YIPF2: variants seen among roughly 807,000 people sequenced by gnomAD.
YIPF2 encodes the protein Yip1 domain family member 2.
YIPF2 carries 30 observed loss-of-function variants against 38.8 expected under a neutral mutation model. The ratio of observed to expected loss-of-function variants is 0.77; its 90% CI spans 0.58 to 1.05. YIPF2 has a LOEUF of 1.05. Among genes scored for constraint, YIPF2 ranks in the 50% least tolerant of loss-of-function variants. The pLI is 0.00. For synonymous variants in YIPF2, 194 were observed against 183.8 expected (o/e 1.06, Z -0.45); for missense variants, 401 against 409.7 (o/e 0.98, Z 0.18).
rs1373267108 is a variant in YIPF2, at chr19:10,928,457, G to C, written c.-30-17C>G. The C allele has an allele frequency of 3.7e-6, 5 of 1,363,198 alleles. No individual in the cohort carries two copies. Among genetic ancestry groups the C allele is most frequent in the Non-Finnish European group, 4.7e-6 (5 of 1,056,410 alleles). 84.4% of individuals were successfully genotyped at this position (1,363,198 alleles called of 1,614,324 possible). ...CATCCCTCGCTGAGGACAGAGACCG[G>C]TCAGGCACACTTCCCCCCCGCCCCC... On this transcript the variant is annotated splice_polypyrimidine_tract_variant and intron_variant, in intron 1 of 9. Coordinates refer to ENST00000586748, the MANE Select transcript of YIPF2 (RefSeq NM_001321439.2).
Position 10,923,413 on chromosome 19 carries a change from C to T in YIPF2, c.835-6G>A. ...AGCGACTGGAAGAAGTACAACTGCA[C>T]AAGACCCCTGGGGTCAGAGGCAGGG... On this transcript the variant is annotated splice_region_variant and splice_polypyrimidine_tract_variant and intron_variant, in intron 8 of 9. Coordinates refer to ENST00000586748, the MANE Select transcript of YIPF2 (RefSeq NM_001321439.2). 6.2e-7 allele frequency: 1 copy of T among 1,613,482 alleles called. No individual in the cohort carries two copies. The highest frequency in any genetic ancestry group is 8.5e-7 in the Non-Finnish European group (1 of 1,179,700).
rs147207917 is a variant in YIPF2 at position 10,923,948 on chromosome 19, G to A, written c.536C>T (p.Ala179Val). Residue 179 changes from alanine (A) to valine (V), a missense_variant, in exon 7 of 10, where the codon GCC becomes GTC. Transcript: ENST00000586748. ...GCGCCACCGCAGGAAGCCCCACAGGGCCAGGGGCACCAGCCACGCATAGCA... is the reference window on the plus strand; with the variant it reads ...GCGCCACCGCAGGAAGCCCCACAGGACCAGGGGCACCAGCCACGCATAGCA... The part of the protein sequence containing the change: ...IYCYAWLVPL[A>V]LWGFLRWRKG... The A allele has an allele frequency of 5.1e-5, 82 of 1,613,264 alleles. No individual in the cohort carries two copies. In the African/African-American group the frequency reaches 1.0e-3, roughly 20 times the overall value.
At position 10,928,058 on chromosome 19, in the gene YIPF2, G is replaced by A. The variant is rs540050034; in HGVS notation, c.32-99C>T. 4.0e-6 allele frequency: 6 copies of A among 1,495,750 alleles called. No homozygotes were observed. In the African/African-American group the frequency reaches 6.9e-5, roughly 17 times the overall value. The allele number at this position is 1,495,750 out of a possible 1,614,324, so 92.7% of individuals were successfully genotyped here. On this transcript the variant is annotated intron_variant, in intron 2 of 9. Coordinates refer to ENST00000586748, the MANE Select transcript of YIPF2 (RefSeq NM_001321439.2). ...ATGCTCATCTGGGGGCGGAGGCTCT[G>A]CTGAGCCATTGATCTCCCCCAAGGT...
At position 10,927,932 on chromosome 19, in the gene YIPF2, G is replaced by C. The variant is rs1203360801; in HGVS notation, c.59C>G (p.Ala20Gly). The change falls in exon 3 of 10, where the codon GCT (alanine) becomes GGT (glycine). Residue 20 changes from alanine to glycine, a missense_variant. Ala to Gly is a moderately conservative substitution (Grantham distance 60). Transcript: ENST00000586748. ...GGTGGTGGCTGCATCTGGGGTGTCA[G>C]CCAGAAGATTAGTGGCCTCCTCGAA... Reference protein sequence around the residue: ...HEFEEATNLLADTPDAATTSR... With the variant: ...HEFEEATNLLGDTPDAATTSR... 2 of 1,609,630 alleles carry C rather than the reference G, an allele frequency of 1.2e-6. No individual in the cohort carries two copies. Among genetic ancestry groups the C allele is most frequent in the Admixed American group, 3.3e-5 (2 of 59,958 alleles).
chr19:10,923,650 G>T lies in YIPF2; in HGVS notation c.679C>A (p.Leu227Met), dbSNP rs138098369. 11 of 1,612,062 alleles carry T rather than the reference G, an allele frequency of 6.8e-6. No homozygotes were observed. In the African/African-American group the frequency reaches 1.5e-4, roughly 21 times the overall value. ...GCCAGCGCCCCAAAGAGCCACTGCA[G>T]CCAAGGCACAGGGATGAGCCACAGG... ...VVLWLIPVPW[L>M]QWLFGALALG... The change falls in exon 8 of 10, where the codon CTG (leucine) becomes ATG (methionine). Residue 227 changes from leucine (L) to methionine (M), a missense_variant. Physicochemically the swap from Leu to Met is conservative, Grantham distance 15. Transcript: ENST00000586748.
rs753018051 is a variant in YIPF2, at chr19:10,923,553, G to A, written c.776C>T (p.Ala259Val). The A allele has an allele frequency of 8.1e-6, 13 of 1,612,470 alleles. No homozygotes were observed. Among genetic ancestry groups the A allele is most frequent in the African/African-American group, 1.3e-5 (1 of 74,920 alleles). The change falls in exon 8 of 10, where the codon GCC becomes GTC. Residue 259 changes from alanine to valine, a missense_variant. By Grantham distance (64) the Ala-to-Val change is moderately conservative (BLOSUM62 0). Transcript: ENST00000586748. ...PVVREDTRLV[A>V]TVLLSVVVLL... is the part of the protein sequence containing the mutation. ...CACGACCACGGACAGCAGCACTGTG[G>A]CCACCAGCCTGGTGTCCTCACGGAC...
At position 10,923,872 on chromosome 19, in the gene YIPF2, G is replaced by A. The variant is rs763846381; in HGVS notation, c.612C>T (p.Cys204=). Residue 204 remains cysteine, a synonymous_variant, in exon 7 of 10, where the codon TGC becomes TGT. Coordinates refer to ENST00000586748, the MANE Select transcript of YIPF2 (RefSeq NM_001321439.2). The part of the protein sequence containing the change: ...MGPYTFLETV[C]IYGYSLFVFI... ...AGACAAAGAGGGAGTAGCCGTAGAT[G>A]CACACAGTCTCCAGGAAGGTGTAGG... 3 of 1,613,350 alleles carry A rather than the reference G, an allele frequency of 1.9e-6. No homozygotes were observed. The highest frequency in any genetic ancestry group is 2.2e-5 in the East Asian group (1 of 44,852).
At position 10,925,690 on chromosome 19, in the gene YIPF2, CA is replaced by C; in HGVS notation, c.362del (p.Leu121ArgfsTer21). On this transcript the variant is annotated frameshift_variant, in exon 5 of 10. Coordinates refer to ENST00000586748, the MANE Select transcript of YIPF2 (RefSeq NM_001321439.2). LOFTEE classifies it high-confidence loss of function. ...VRHHLRNRPD[L>X]YGPFWICATL... is the part of the protein sequence containing the mutation. ...CAAATGCACAACCTCACTCACCATA[CA>C]GATCCGGCCGATTCCGCAGATGGTG... is the stretch of plus-strand genomic sequence containing the variant. The C allele has an allele frequency of 6.2e-7, 1 of 1,614,042 alleles. No individual in the cohort carries two copies. The highest frequency in any genetic ancestry group is 1.1e-5 in the South Asian group (1 of 91,084).
rs1318873468 is a variant in YIPF2, at chr19:10,922,989, C to G, written c.*205G>C. ...GGGCCCCAGCCCTGTCCCAAAGCTCCCTGCTCGGCTGCCCCTCGCCCGCCT... is the reference window on the plus strand; with the variant it reads ...GGGCCCCAGCCCTGTCCCAAAGCTCGCTGCTCGGCTGCCCCTCGCCCGCCT... On this transcript the variant is annotated 3_prime_UTR_variant, in exon 10 of 10. Coordinates refer to ENST00000586748, the MANE Select transcript of YIPF2 (RefSeq NM_001321439.2). 1 of 271,794 alleles carries G rather than the reference C, an allele frequency of 3.7e-6. No individual in the cohort carries two copies. The highest frequency in any genetic ancestry group is 6.9e-6 in the Non-Finnish European group (1 of 144,726). 16.8% of individuals were successfully genotyped at this position (271,794 alleles called of 1,614,324 possible).
rs1599719362 is a variant in YIPF2, at chr19:10,923,708, C to T, written c.652-31G>A. 3.2e-6 allele frequency: 5 copies of T among 1,584,206 alleles called. No individual in the cohort carries two copies. The African/African-American group carries it at 4.0e-5, about 13-fold the overall frequency. The stretch of plus-strand genomic sequence containing the variant: ...AGCAACACGGCGGCAGGTGACCATG[C>T]CAGTCCCCCCAGCCACCACCCACTC... On this transcript the variant is annotated intron_variant, in intron 7 of 9. Transcript: ENST00000586748.
chr19:10,925,644 T>C (rs749468114), intron 5 of YIPF2, 42 bp downstream of exon 5: 7 of 1,611,156 alleles, frequency 4.3e-6, no homozygotes, highest in African/African-American at 1.3e-5. Context: ...GCCACACTTG[T>C]TGAGTGATCC....
chr19:10,927,594 C>T (rs1318548777), intron 4 of YIPF2, 36 bp downstream of exon 4: 2 of 1,609,260 alleles, frequency 1.2e-6, no homozygotes, highest in African/African-American at 2.7e-5. Flanking sequence ...CTGAGCATAA[C>T]TCTGAGCCCC....
intron 5 of YIPF2, among the ~76,000 whole-genome samples, chr19:10,925,403 G>A (rs929229155): frequency 6.6e-6 from 1 of 151,818 alleles, no homozygotes; most frequent in Non-Finnish European, 1.5e-5. Context: ...CTTTTCCTAG[G>A]TCTCCCCCAC....
At position 10,928,387 on chromosome 19, in the gene YIPF2, G is replaced by A. The variant is rs1256565621; in HGVS notation, c.24C>T (p.Thr8=). ...CGTCGGGGCCGCACTCACCATGGAA[G>A]GTCAGCTCGTCGGCCGATGCCATGG... MASADEL[T]FHEFEEATNL... is the part of the protein sequence containing the mutation. Residue 8 remains threonine (T), a synonymous_variant, in exon 2 of 10, where the codon ACC becomes ACT. Coordinates refer to ENST00000586748, the MANE Select transcript of YIPF2 (RefSeq NM_001321439.2). The A allele has an allele frequency of 1.5e-6, 2 of 1,334,166 alleles. No homozygotes were observed. Among genetic ancestry groups the A allele is most frequent in the Non-Finnish European group, 9.6e-7 (1 of 1,037,762 alleles). The allele number at this position is 1,334,166 out of a possible 1,614,324, so 82.6% of individuals were successfully genotyped here.
At position 10,925,780 on chromosome 19, in the gene YIPF2, G is replaced by A. The variant is rs1055267792; in HGVS notation, c.280-7C>T. On this transcript the variant is annotated splice_polypyrimidine_tract_variant and splice_region_variant and intron_variant, in intron 4 of 9. Transcript: ENST00000586748. ...CTTTGATCCGGTCCAGGACCTGGGG[G>A]CAAGGCCAAGGTCAAGGATGGAAGT... The A allele has an allele frequency of 6.2e-7, 1 of 1,613,112 alleles. No individual in the cohort carries two copies. The highest frequency in any genetic ancestry group is 1.3e-5 in the African/African-American group (1 of 74,934).
intron 4 of YIPF2, 43 bp downstream of exon 4, chr19:10,927,587 A>G (rs903693646): frequency 1.5e-5 from 24 of 1,604,412 alleles, no homozygotes; most frequent in Non-Finnish European, 1.9e-5. Flanking sequence ...CTGAACCCTG[A>G]GCATAACTCT....
At chr19:10,924,827 C>T (rs1179553575) in intron 5 of YIPF2, among the ~76,000 whole-genome samples, 1 of 150,588 alleles carries the variant, frequency 6.6e-6, no homozygotes, top group Non-Finnish European at 1.5e-5. Flanking sequence ...TTCCAGAATC[C>T]AGTGCCACTC....
Position 10,924,160 on chromosome 19 carries a change from C to T in YIPF2, c.400G>A (p.Val134Ile). ...PFWICATLAF[V>I]LAVTGNLTLV... is the part of the protein sequence containing the mutation. Reference sequence around the variant, plus strand: ...GTCAGGTTGCCAGTGACGGCCAGGACAAAGGCCAACGTGGCACAGATCCAG... The same window carrying T: ...GTCAGGTTGCCAGTGACGGCCAGGATAAAGGCCAACGTGGCACAGATCCAG... Residue 134 changes from valine to isoleucine, a missense_variant, in exon 6 of 10, where the codon GTC (valine) becomes ATC (isoleucine). Val to Ile is a conservative substitution (Grantham distance 29, BLOSUM62 3). Coordinates refer to ENST00000586748, the MANE Select transcript of YIPF2 (RefSeq NM_001321439.2). 6.2e-7 allele frequency: 1 copy of T among 1,613,170 alleles called. No homozygotes were observed. The highest frequency in any genetic ancestry group is 8.5e-7 in the Non-Finnish European group (1 of 1,179,906).
chr19:10,927,606 TCCCACCTG>T lies in YIPF2; in HGVS notation c.279+16_279+23del. On this transcript the variant is annotated intron_variant, in intron 4 of 9. Coordinates refer to ENST00000586748, the MANE Select transcript of YIPF2 (RefSeq NM_001321439.2). ...ACCCTGAGCATAACTCTGAGCCCCATCCCACCTGCCTCCCCAGCCTGACCTGTGAGGTG... is the reference window on the plus strand; with the variant it reads ...ACCCTGAGCATAACTCTGAGCCCCATCCTCCCCAGCCTGACCTGTGAGGTG... 1.2e-6 allele frequency: 2 copies of T among 1,611,774 alleles called. No individual in the cohort carries two copies. Among genetic ancestry groups the T allele is most frequent in the Non-Finnish European group, 1.7e-6 (2 of 1,178,930 alleles).
Sources: allele counts gnomAD v4.1 joint callset (sites outside exome capture counted in the v4.1 genomes callset), GRCh38; gene constraint gnomAD v4.1.1; transcripts MANE v1.5; gene names NCBI Gene and HGNC (gene_info 2026-07-23, HGNC 2026-07-21).